C1orf21: variants seen among roughly 807,000 people sequenced by gnomAD.
C1orf21 encodes uncharacterized protein C1orf21.
A neutral mutation model predicts 18.7 loss-of-function variants in C1orf21; 3 were observed. The observed-to-expected ratio is 0.16, with a 90% CI of 0.07 to 0.42. The LOEUF is 0.42. Among genes scored for constraint, C1orf21 ranks in the 10% least tolerant of loss-of-function variants. C1orf21 has a pLI of 0.99. For missense variants in C1orf21, 104 were observed against 143.6 expected (o/e 0.72, Z 1.41); for synonymous variants, 41 against 46.4 (o/e 0.88, Z 0.47).
intron 1 of C1orf21, among the ~76,000 whole-genome samples, chr1:184,414,944 C>T (rs1291651797): frequency 6.6e-6 from 1 of 152,100 alleles, no homozygotes; most frequent in Non-Finnish European, 1.5e-5. Flanking sequence ...TGTTTTTCAA[C>T]GTTTGAGATT....
intron 1 of C1orf21, among the ~76,000 whole-genome samples, chr1:184,468,900 A>G (rs1657448118): frequency 6.6e-6 from 1 of 151,544 alleles, no homozygotes; most frequent in Non-Finnish European, 1.5e-5. Flanking sequence ...CCTGGGCAAT[A>G]CAGCAAGACT....
chr1:184,451,850 C>T (rs1361846898), intron 1 of C1orf21, among the ~76,000 whole-genome samples: 1 of 152,142 alleles, frequency 6.6e-6, no homozygotes, highest in Admixed American at 6.5e-5. Flanking sequence ...TCTGAAAGCT[C>T]AAGTTTTCCG....
intron 1 of C1orf21, among the ~76,000 whole-genome samples, chr1:184,468,106 A>G (rs1657432705): frequency 6.6e-6 from 1 of 152,122 alleles, no homozygotes; most frequent in African/African-American, 2.4e-5. Flanking sequence ...AGAGGGTTTT[A>G]TGTTTACTTT....
At chr1:184,469,235 G>A (rs142033315) in intron 1 of C1orf21, among the ~76,000 whole-genome samples, 3 of 152,166 alleles carry the variant, frequency 2.0e-5, no homozygotes, top group South Asian at 2.1e-4. Flanking sequence ...GGGTGACAGA[G>A]TGAGACTCTG....
chr1:184,398,983 A>G (rs1571340497), intron 1 of C1orf21, among the ~76,000 whole-genome samples: 1 of 152,096 alleles, frequency 6.6e-6, no homozygotes, highest in Non-Finnish European at 1.5e-5. Flanking sequence ...TCTAATTTCT[A>G]ACAGTAATTT....
At chr1:184,567,212 A>C (rs1322193207) in intron 3 of C1orf21, 1 of 466,882 alleles carries the variant, frequency 2.1e-6, no homozygotes, top group East Asian at 5.5e-5. Flanking sequence ...AATGGCTGTC[A>C]TCACATTCCA....
chr1:184,586,003 C>G (rs958017988), intron 3 of C1orf21, among the ~76,000 whole-genome samples: 1 of 152,090 alleles, frequency 6.6e-6, no homozygotes, highest in Non-Finnish European at 1.5e-5. Context: ...ATTACTGGGT[C>G]AAATGGTAGT....
intron 2 of C1orf21, among the ~76,000 whole-genome samples, chr1:184,480,391 T>C (rs182448598): frequency 1.3e-5 from 2 of 152,316 alleles, no homozygotes; most frequent in East Asian, 3.9e-4. Flanking sequence ...CAAATGACAG[T>C]CTTTAAAAAG....
At chr1:184,502,192 T>TAAAATCCCA (rs1657985640) in intron 2 of C1orf21, among the ~76,000 whole-genome samples, 1 of 152,194 alleles carries the variant, frequency 6.6e-6, no homozygotes, top group African/African-American at 2.4e-5. Context: ...TTTTTCACGG[T>TAAAATCCCA]TCTAGAGGCT....
At chr1:184,598,235 G>C (rs886839528) in intron 4 of C1orf21, among the ~76,000 whole-genome samples, 166 bp from the exon 5 acceptor site, 1 of 151,946 alleles carries the variant, frequency 6.6e-6, no homozygotes, top group Non-Finnish European at 1.5e-5. Context: ...ACATTTGCAG[G>C]ATTACTGTAC....
intron 5 of C1orf21, among the ~76,000 whole-genome samples, chr1:184,605,186 CCTTTTCT>C (rs920998452): frequency 9.2e-5 from 14 of 152,198 alleles, no homozygotes; most frequent in African/African-American, 2.7e-4. Flanking sequence ...CTTCAGCTAT[CCTTTTCT>C]CTTCCTTCCC....
In C1orf21 at chr1:184,410,757, C is replaced by T. The variant is rs561916692; in HGVS notation, c.-125+23389C>T. ...TTGGCTCACTGCAACCTCTGCCTCC[C>T]AGGTTCAAGTGATTCTCCTGCCTCA... On this transcript the variant is annotated intron_variant, in intron 1 of 5. Transcript: ENST00000235307. 9.0e-4 allele frequency among the ~76,000 whole-genome samples: 120 copies of T among 132,698 alleles called. 2 individuals carry two copies. Among genetic ancestry groups the T allele is most frequent in the African/African-American group, 3.7e-3 (117 of 31,868 alleles). 87.1% of individuals were successfully genotyped at this position (132,698 alleles called of 152,430 possible). A position where few individuals can be genotyped will look rare whatever the true frequency, so the allele number is the denominator to read the frequency against.
At chr1:184,477,751 G>T in intron 2 of C1orf21, 148 bp downstream of exon 2, 2 of 642,380 alleles carry the variant, frequency 3.1e-6, no homozygotes, top group Non-Finnish European at 5.4e-6. Context: ...CGGTATTTAG[G>T]ATATCTATCA....
At chr1:184,507,950 A>G (rs543444233) in intron 3 of C1orf21, among the ~76,000 whole-genome samples, 177 of 152,342 alleles carry the variant, frequency 1.2e-3, no homozygotes, top group Non-Finnish European at 1.4e-3. Flanking sequence ...GGGAAAAATA[A>G]TGAAGTAGGA....
chr1:184,547,759 T>C (rs1008510090), intron 3 of C1orf21, among the ~76,000 whole-genome samples: 1 of 152,218 alleles, frequency 6.6e-6, no homozygotes, highest in Non-Finnish European at 1.5e-5. Flanking sequence ...CCATCCTTTA[T>C]GAAGAGAATA....
At chr1:184,525,270 A>G (rs904613343) in intron 3 of C1orf21, among the ~76,000 whole-genome samples, 31 of 152,088 alleles carry the variant, frequency 2.0e-4, no homozygotes, top group African/African-American at 7.5e-4. Flanking sequence ...ACTTTCAGTG[A>G]TAACATCTTA....
intron 1 of C1orf21, among the ~76,000 whole-genome samples, chr1:184,429,853 A>C (rs1429076164): frequency 6.6e-6 from 1 of 152,170 alleles, no homozygotes; most frequent in African/African-American, 2.4e-5. Context: ...TTACACTTGT[A>C]ATCCCAGCAC....
intron 1 of C1orf21, among the ~76,000 whole-genome samples, chr1:184,397,722 T>TA (rs1204949230): frequency 6.6e-6 from 1 of 152,216 alleles, no homozygotes; most frequent in Non-Finnish European, 1.5e-5. Context: ...TTGTATAACT[T>TA]ATGCGAGCAC....
rs142448832 is a variant in C1orf21, at chr1:184,450,698, A to G, written c.-124-26688A>G. ...TGTCTTCTGCCATGTCCATATCAATATTATACTTAATTAAATTTATGTGGC... is the reference window on the plus strand; with the variant it reads ...TGTCTTCTGCCATGTCCATATCAATGTTATACTTAATTAAATTTATGTGGC... On this transcript the variant is annotated intron_variant, in intron 1 of 5. Coordinates refer to ENST00000235307, the MANE Select transcript of C1orf21 (RefSeq NM_030806.4). Among the ~76,000 whole-genome samples the G allele has an allele frequency of 8.5e-5, 13 of 152,296 alleles. No individual in the cohort carries two copies. The East Asian group carries it at 2.5e-3, about 29-fold the overall frequency.
Sources: gnomAD v4.1 joint callset for allele counts (sites outside exome capture counted in the v4.1 genomes callset) on GRCh38, gnomAD v4.1.1 for gene constraint, MANE v1.5 for transcripts, NCBI Gene and HGNC (gene_info 2026-07-23, HGNC 2026-07-21) for gene names.